CMSS1: variants seen among roughly 807,000 people sequenced by gnomAD.
CMSS1 encodes the protein cms1 ribosomal small subunit homolog, also known as protein CMSS1.
A neutral mutation model predicts 43.5 loss-of-function variants in CMSS1; 33 were observed. The ratio of observed to expected loss-of-function variants is 0.76; its 90% CI spans 0.57 to 1.01. The LOEUF is 1.01. CMSS1 is among the 50% of genes least tolerant of loss of function. The pLI, the probability that CMSS1 is intolerant of heterozygous loss-of-function variation, is 0.00. For synonymous variants in CMSS1, 115 were observed against 117.2 expected, an observed-to-expected ratio of 0.98 and a Z score of 0.12; for missense variants, 313 against 326.4, an observed-to-expected ratio of 0.96 and a Z score of 0.32.
At chr3:100,123,747 T>A (rs2066640121) in intron 1 of CMSS1, among the ~76,000 whole-genome samples, 1 of 152,188 alleles carries the variant, frequency 6.6e-6, no homozygotes, top group African/African-American at 2.4e-5. Context: ...GAAGAAAAGG[T>A]GTCAGAAGTG....
chr3:99,939,521 T>C (rs1448029927), intron 1 of CMSS1, among the ~76,000 whole-genome samples: 1 of 152,240 alleles, frequency 6.6e-6, no homozygotes, highest in Non-Finnish European at 1.5e-5. Context: ...GCCCAGGGTC[T>C]TTCTTAAAGA....
chr3:99,993,037 A>T (rs1472872192), intron 1 of CMSS1, among the ~76,000 whole-genome samples: 1 of 152,016 alleles, frequency 6.6e-6, no homozygotes. Flanking sequence ...CTGTTGTTAT[A>T]CCAGTGCCAT....
intron 2 of CMSS1, among the ~76,000 whole-genome samples, chr3:100,150,406 C>T (rs942229736): frequency 2.0e-5 from 3 of 152,092 alleles, no homozygotes; most frequent in Non-Finnish European, 4.4e-5. Flanking sequence ...TAAGACTGTA[C>T]TATTCCTTCA....
chr3:100,176,560 T>C (rs2067150164), intron 9 of CMSS1, 145 bp downstream of exon 9: 1 of 594,118 alleles, frequency 1.7e-6, no homozygotes, highest in Non-Finnish European at 3.0e-6. Context: ...GAGCTAACTA[T>C]AATTATAGAG....
chr3:100,101,459 G>A (rs973311819), intron 1 of CMSS1, among the ~76,000 whole-genome samples: 1 of 152,168 alleles, frequency 6.6e-6, no homozygotes, highest in East Asian at 1.9e-4. Flanking sequence ...AAAGAAAAAT[G>A]CAGAGAGGCA....
At chr3:99,891,287 T>G (rs1706075097) in intron 1 of CMSS1, among the ~76,000 whole-genome samples, 1 of 152,214 alleles carries the variant, frequency 6.6e-6, no homozygotes, top group South Asian at 2.1e-4. Flanking sequence ...AGTTTAGCTC[T>G]TTGAAATCTC....
At chr3:100,127,068 C>T (rs906742852) in intron 1 of CMSS1, among the ~76,000 whole-genome samples, 22 of 152,162 alleles carry the variant, frequency 1.4e-4, no homozygotes, top group African/African-American at 4.8e-4. Flanking sequence ...CAGCTATGCA[C>T]GTCTCAGTCA....
chr3:100,134,667 G>A (rs2066736176), intron 1 of CMSS1, among the ~76,000 whole-genome samples: 2 of 152,216 alleles, frequency 1.3e-5, no homozygotes, highest in South Asian at 2.1e-4. Context: ...AGGATGGGGT[G>A]GAAGGAGTGG....
At chr3:100,165,864 A>G (rs936905373) in intron 4 of CMSS1, among the ~76,000 whole-genome samples, 2 of 152,212 alleles carry the variant, frequency 1.3e-5, no homozygotes, top group Admixed American at 6.5e-5. Context: ...TACAGTTCAC[A>G]AGAGTTTCCA....
intron 1 of CMSS1, among the ~76,000 whole-genome samples, chr3:100,131,003 C>T (rs2066701909): frequency 6.6e-6 from 1 of 152,172 alleles, no homozygotes; most frequent in Non-Finnish European, 1.5e-5. Context: ...TGAGAGTTAA[C>T]ATCAGTACCA....
intron 1 of CMSS1, among the ~76,000 whole-genome samples, chr3:99,982,736 A>G (rs1433850423): frequency 6.6e-6 from 1 of 152,228 alleles, no homozygotes; most frequent in African/African-American, 2.4e-5. Flanking sequence ...GATTCTGTTA[A>G]TGCCATATAT....
intron 1 of CMSS1, among the ~76,000 whole-genome samples, chr3:100,118,890 G>A (rs1046135645): frequency 6.6e-6 from 1 of 152,140 alleles, no homozygotes; most frequent in Non-Finnish European, 1.5e-5. Flanking sequence ...AGATGTCTTA[G>A]TCCCACCCAC....
rs979342191 is a variant in CMSS1, at chr3:100,171,854, C to T, written c.534C>T (p.Phe178=). ...TTTTCATTAGGTCGATGACAGCATT[C>T]AGAGGAGACGGCAAAGTTATAAAAT... ...ALELIRSMTA[F]RGDGKVIKLF... The change falls in exon 7 of 10, where the codon TTC becomes TTT. Residue 178 remains phenylalanine (F), a synonymous_variant. Transcript: ENST00000421999. The T allele has an allele frequency of 5.0e-6, 8 of 1,613,912 alleles. No individual in the cohort carries two copies. Among genetic ancestry groups the T allele is most frequent in the South Asian group, 1.1e-5 (1 of 91,078 alleles).
intron 1 of CMSS1, among the ~76,000 whole-genome samples, chr3:100,140,824 T>G (rs1033673669): frequency 6.6e-6 from 1 of 151,988 alleles, no homozygotes; most frequent in Non-Finnish European, 1.5e-5. Context: ...ATTTTTTTAA[T>G]TGGATATGAA....
At chr3:99,820,376 T>G (rs1303614764) in intron 1 of CMSS1, among the ~76,000 whole-genome samples, 2 of 151,868 alleles carry the variant, frequency 1.3e-5, no homozygotes, top group African/African-American at 4.8e-5. Flanking sequence ...TTTGTATTTT[T>G]AGTAGAGATG....
chr3:99,945,140 T>C (rs994868807), intron 1 of CMSS1, among the ~76,000 whole-genome samples: 4 of 152,214 alleles, frequency 2.6e-5, no homozygotes, highest in Non-Finnish European at 4.4e-5. Flanking sequence ...TTGGTGGTCA[T>C]GTGGCTGTGA....
At chr3:99,984,809 A>G (rs746990322) in intron 1 of CMSS1, among the ~76,000 whole-genome samples, 4 of 152,238 alleles carry the variant, frequency 2.6e-5, no homozygotes, top group Non-Finnish European at 5.9e-5. Flanking sequence ...CAAGGATCAT[A>G]TTCAGCTAAT....
chr3:100,137,973 G>A (rs748824592), intron 1 of CMSS1, among the ~76,000 whole-genome samples: 1 of 152,112 alleles, frequency 6.6e-6, no homozygotes, highest in Non-Finnish European at 1.5e-5. Flanking sequence ...AAAACAGCAT[G>A]GTACTGGTAC....
chr3:99,919,914 G>A (rs911613427), intron 1 of CMSS1, among the ~76,000 whole-genome samples: 3 of 152,202 alleles, frequency 2.0e-5, no homozygotes, highest in Non-Finnish European at 4.4e-5. Flanking sequence ...TAAGGCCTCT[G>A]CACCACTGTT....
Sources: gnomAD v4.1 joint callset for allele counts (sites outside exome capture counted in the v4.1 genomes callset) on GRCh38, gnomAD v4.1.1 for gene constraint, MANE v1.5 for transcripts, NCBI Gene and HGNC (gene_info 2026-07-23, HGNC 2026-07-21) for gene names.